PSAP: variants seen among roughly 807,000 people sequenced by gnomAD.
PSAP encodes the protein prosaposin, also known as precursor of saposins.
In PSAP, 25 loss-of-function variants were observed where a neutral mutation model predicts 66.0. That is an observed-to-expected ratio of 0.38 (90% CI 0.28 to 0.53). PSAP has a LOEUF of 0.53. PSAP is among the 20% of genes least tolerant of loss of function. The probability of loss-of-function intolerance (pLI) is 0.83; values close to 1 mark genes in which losing one functional copy is unlikely to be tolerated. For missense variants in PSAP, 649 were observed against 668.8 expected, an observed-to-expected ratio of 0.97 and a Z score of 0.33; for synonymous variants, 273 against 258.9, an observed-to-expected ratio of 1.05 and a Z score of -0.52.
chr10:71,842,927 C>G (rs899622015), intron 1 of PSAP, among the ~76,000 whole-genome samples: 1 of 152,180 alleles, frequency 6.6e-6, no homozygotes, highest in Admixed American at 6.5e-5. Flanking sequence ...TTCAGGCACA[C>G]TAGCCTACAC....
At chr10:71,835,279 A>G (rs1842599395) in intron 1 of PSAP, among the ~76,000 whole-genome samples, 1 of 151,672 alleles carries the variant, frequency 6.6e-6, no homozygotes, top group Non-Finnish European at 1.5e-5. Context: ...AAAAATTCAT[A>G]CCCTTATAAC....
At position 71,829,065 on chromosome 10, in the gene PSAP, C is replaced by T. The variant is rs893451578; in HGVS notation, c.388G>A (p.Glu130Lys). 1 of 1,613,810 alleles carries T rather than the reference C, an allele frequency of 6.2e-7. No individual in the cohort carries two copies. Among genetic ancestry groups the T allele is most frequent in the Non-Finnish European group, 8.5e-7 (1 of 1,179,920 alleles). The change falls in exon 5 of 14, where the codon GAG becomes AAG. Residue 130 changes from glutamate to lysine, a missense_variant. Transcript: ENST00000394936. ...IIKGEMSRPG[E>K]VCSALNLCES... is the part of the protein sequence containing the mutation. ...CAGAGGTTGAGAGCAGAGCACACCT[C>T]CCCAGGACGGCTCTGGTGGGATGGA...
chr10:71,818,941 A>T, intron 12 of PSAP, 90 bp downstream of exon 12: 1 of 1,267,234 alleles, frequency 7.9e-7, no homozygotes, highest in Non-Finnish European at 1.1e-6. Flanking sequence ...ACTCCACCCC[A>T]CGGCCAAGTC....
At chr10:71,849,857 T>C (rs1468503815) in intron 1 of PSAP, among the ~76,000 whole-genome samples, 1 of 152,108 alleles carries the variant, frequency 6.6e-6, no homozygotes, top group Non-Finnish European at 1.5e-5. Flanking sequence ...GCAAAATAAC[T>C]GGACCAGAAA....
intron 1 of PSAP, among the ~76,000 whole-genome samples, chr10:71,846,331 C>G (rs906155317): frequency 6.7e-6 from 1 of 150,018 alleles, no homozygotes; most frequent in Non-Finnish European, 1.5e-5. Flanking sequence ...TTTTTTGGAA[C>G]TTCATGTAAT....
chr10:71,822,538 A>C (rs1842324753), intron 7 of PSAP: 1 of 470,456 alleles, frequency 2.1e-6, no homozygotes, highest in African/African-American at 2.0e-5. Flanking sequence ...AGCTGCACAC[A>C]GTGCACATGA....
At chr10:71,819,327 T>A in intron 11 of PSAP, 138 bp downstream of exon 11, 1 of 1,337,636 alleles carries the variant, frequency 7.5e-7, no homozygotes, top group African/African-American at 1.4e-5. Flanking sequence ...AGCCAACAAA[T>A]CACCTCCAAG....
At chr10:71,833,326 G>A (rs1842557362) in intron 2 of PSAP, among the ~76,000 whole-genome samples, 1 of 152,034 alleles carries the variant, frequency 6.6e-6, no homozygotes, top group African/African-American at 2.4e-5. Context: ...AGGCATACTG[G>A]TCCACATCTG....
chr10:71,847,935 G>T (rs1842850848), intron 1 of PSAP, among the ~76,000 whole-genome samples: 2 of 152,130 alleles, frequency 1.3e-5, no homozygotes, highest in African/African-American at 2.4e-5. Flanking sequence ...TCTTAGCGTG[G>T]TGTAGACAAC....
At position 71,831,851 on chromosome 10, in the gene PSAP, T is replaced by C. The variant is rs1842525738; in HGVS notation, c.244A>G (p.Thr82Ala). Residue 82 changes from threonine to alanine, a missense_variant, in exon 3 of 14, where the codon ACT becomes GCT. Coordinates refer to ENST00000394936, the MANE Select transcript of PSAP (RefSeq NM_002778.4). ...AAGDMLKDNA[T>A]EEEILVYLEK... Reference sequence around the variant, plus strand: ...CCCCACTCACCGCCGCTCACCTCAGTGGCATTGTCCTTCAGCATATCACCA... The same window carrying C: ...CCCCACTCACCGCCGCTCACCTCAGCGGCATTGTCCTTCAGCATATCACCA... 1 of 1,613,870 alleles carries C rather than the reference T, an allele frequency of 6.2e-7. No individual in the cohort carries two copies. The highest frequency in any genetic ancestry group is 1.3e-5 in the African/African-American group (1 of 74,914).
chr10:71,820,435 A>G (rs1260800201), intron 8 of PSAP, 100 bp from the exon 9 acceptor site: 1 of 938,870 alleles, frequency 1.1e-6, no homozygotes, highest in African/African-American at 1.6e-5. Context: ...AGGGTGGGTT[A>G]GCACATCAAG....
Position 71,817,399 on chromosome 10 carries a change from A to C in PSAP, c.*42T>G. 1.2e-6 allele frequency: 2 copies of C among 1,609,790 alleles called. No individual in the cohort carries two copies. Among genetic ancestry groups the C allele is most frequent in the Non-Finnish European group, 1.7e-6 (2 of 1,176,018 alleles). On this transcript the variant is annotated 3_prime_UTR_variant, in exon 14 of 14. Transcript: ENST00000394936. ...TCCCCCAGACACACAAGTAGAAAAA[A>C]ACCAATGCTGTGGTTTCTGCCAAGA...
In PSAP at chr10:71,830,919, G is replaced by A. The variant is rs76003049; in HGVS notation, c.375+207C>T. On this transcript the variant is annotated intron_variant, in intron 4 of 13. Transcript: ENST00000394936. ...GCAGTCCGACCAGTCCCCAGCAGCCGCACCCTCGCTAACCCCAGGGCAAGT... is the reference window on the plus strand; with the variant it reads ...GCAGTCCGACCAGTCCCCAGCAGCCACACCCTCGCTAACCCCAGGGCAAGT... 1.1e-3 allele frequency among the ~76,000 whole-genome samples: 169 copies of A among 152,312 alleles called. 4 individuals are homozygous for A. The East Asian group carries it at 0.029, about 26-fold the overall frequency.
In PSAP at chr10:71,816,517, G is replaced by A. The variant is rs1034063036; in HGVS notation, c.*924C>T. ...CACCCAGCAGACCCTTCGGCATGCC[G>A]CCCTCTACCAGGAAGCCAGAGGCCT... On this transcript the variant is annotated 3_prime_UTR_variant, in exon 14 of 14. Coordinates refer to ENST00000394936, the MANE Select transcript of PSAP (RefSeq NM_002778.4). 5.9e-5 allele frequency: 27 copies of A among 458,896 alleles called. No individual in the cohort carries two copies. Among genetic ancestry groups the A allele is most frequent in the African/African-American group, 3.8e-4 (19 of 49,826 alleles). The allele number at this position is 458,896 out of a possible 1,614,324, so 28.4% of individuals were successfully genotyped here.
chr10:71,823,639 G>A (rs1842346418), intron 7 of PSAP, among the ~76,000 whole-genome samples: 2 of 152,134 alleles, frequency 1.3e-5, no homozygotes, highest in African/African-American at 4.8e-5. Flanking sequence ...TGTGACCAGA[G>A]CACAAGGCTC....
intron 4 of PSAP, among the ~76,000 whole-genome samples, chr10:71,829,593 T>G (rs893034678): frequency 4.6e-5 from 7 of 151,790 alleles, no homozygotes; most frequent in African/African-American, 1.7e-4. Flanking sequence ...CCATTAAACC[T>G]TTTTTTCTTT....
At chr10:71,818,854 AG>A in intron 12 of PSAP, 130 bp from the exon 13 acceptor site, 1 of 1,025,804 alleles carries the variant, frequency 9.7e-7, no homozygotes, top group Non-Finnish European at 1.5e-6. Flanking sequence ...TCAGAACATC[AG>A]GGTTGCTGAG....
chr10:71,828,240 T>C (rs1458177553), intron 5 of PSAP, 83 bp from the exon 6 acceptor site: 4 of 1,472,986 alleles, frequency 2.7e-6, no homozygotes, highest in Non-Finnish European at 3.8e-6. Context: ...GGCTGCAGCA[T>C]TAGGGGGCAC....
chr10:71,843,411 T>C (rs1056091340), intron 1 of PSAP, among the ~76,000 whole-genome samples: 2 of 151,676 alleles, frequency 1.3e-5, no homozygotes, highest in Admixed American at 1.3e-4. Flanking sequence ...CTGGTATCAA[T>C]GCCTGAAAAA....
Sources: allele counts gnomAD v4.1 joint callset (sites outside exome capture counted in the v4.1 genomes callset), GRCh38; gene constraint gnomAD v4.1.1; transcripts MANE v1.5; gene names NCBI Gene and HGNC (gene_info 2026-07-23, HGNC 2026-07-21).